The following KCNMA1 variants were observed in gnomAD, a reference collection of about 807,000 sequenced individuals.
KCNMA1 encodes the protein potassium calcium-activated channel subfamily M alpha 1.
Under a neutral mutation model 140.0 loss-of-function variants are expected in KCNMA1, and 29 were observed. The ratio of observed to expected loss-of-function variants is 0.21; its 90% CI spans 0.15 to 0.28. The LOEUF (loss-of-function observed/expected upper bound fraction) is 0.28. Ranked by LOEUF, KCNMA1 falls within the 10% of genes least tolerant of loss-of-function variation. The pLI is 1.00. For missense variants in KCNMA1, 880 were observed against 1,602.2 expected, an observed-to-expected ratio of 0.55 and a Z score of 7.70; for synonymous variants, 612 against 611.9, an observed-to-expected ratio of 1.00 and a Z score of 0.00.
intron 23 of KCNMA1, among the ~76,000 whole-genome samples, chr10:76,938,770 G>T (rs1433249714): frequency 6.6e-6 from 1 of 152,184 alleles, no homozygotes; most frequent in African/African-American, 2.4e-5. Context: ...GGGCCAAATT[G>T]TACTTGTCCC....
chr10:77,492,830 G>T (rs1384427360), intron 1 of KCNMA1, among the ~76,000 whole-genome samples: 3 of 152,224 alleles, frequency 2.0e-5, no homozygotes, highest in Admixed American at 6.5e-5. Flanking sequence ...GGAGAGGCCA[G>T]AGTATTGTAA....
chr10:77,631,344 TGCACAGAAAGGC>T (rs1465622530), intron 1 of KCNMA1, among the ~76,000 whole-genome samples: 1 of 152,134 alleles, frequency 6.6e-6, no homozygotes, highest in Non-Finnish European at 1.5e-5. Flanking sequence ...TCCCTGACTG[TGCACAGAAAGGC>T]ATGGCCCTGT....
At chr10:77,010,368 T>C (rs2090406601) in intron 18 of KCNMA1, among the ~76,000 whole-genome samples, 1 of 152,024 alleles carries the variant, frequency 6.6e-6, no homozygotes, top group Admixed American at 6.5e-5. Context: ...TTTGGATTCA[T>C]GGGGTCTGTG....
chr10:77,438,677 A>G (rs530167019), intron 1 of KCNMA1, among the ~76,000 whole-genome samples: 80 of 152,342 alleles, frequency 5.3e-4, no homozygotes, highest in South Asian at 2.5e-3. Context: ...AGAGACATTA[A>G]GTAATTTGCC....
chr10:77,198,848 G>C lies in KCNMA1; in HGVS notation c.603-13932C>G, dbSNP rs115274302. 1.9e-3 allele frequency among the ~76,000 whole-genome samples: 283 copies of C among 152,108 alleles called. 1 individual carries two copies. Among genetic ancestry groups the C allele is most frequent in the African/African-American group, 6.2e-3 (258 of 41,502 alleles). On this transcript the variant is annotated intron_variant, in intron 3 of 27. Transcript: ENST00000286628. ...ATTCCTGCCTCCTAGTTCTGACAGG[G>C]GAAGAGCAAGCCCCGTGCTTATAAA...
intron 4 of KCNMA1, 69 bp downstream of exon 4, chr10:77,184,754 G>C (rs1565068283): frequency 1.0e-6 from 1 of 961,514 alleles, no homozygotes; most frequent in South Asian, 1.3e-5. Context: ...CAGAGGCTGA[G>C]GGGGATGATC....
At position 77,470,063 on chromosome 10, in the gene KCNMA1, G is replaced by A. The variant is rs111804662; in HGVS notation, c.379-66040C>T. ...CAGTGGTGAGAAGGAGGCCAGGGTC[G>A]GATGCGTCCGGCTGCCTTTGCTCTC... On this transcript the variant is annotated intron_variant, in intron 1 of 27. Transcript: ENST00000286628. Among the ~76,000 whole-genome samples the A allele has an allele frequency of 4.6e-3, 699 of 152,176 alleles. 2 individuals are homozygous for A. Among genetic ancestry groups the A allele is most frequent in the Non-Finnish European group, 7.5e-3 (510 of 68,006 alleles).
At chr10:77,152,523 C>A (rs2098434960) in intron 5 of KCNMA1, among the ~76,000 whole-genome samples, 1 of 117,542 alleles carries the variant, frequency 8.5e-6, no homozygotes, top group African/African-American at 3.2e-5. Context: ...AAAGGAAAAT[C>A]CCACTGGGGT....
intron 2 of KCNMA1, among the ~76,000 whole-genome samples, chr10:77,299,373 T>C (rs1168591643): frequency 6.6e-6 from 1 of 152,190 alleles, no homozygotes; most frequent in East Asian, 1.9e-4. Flanking sequence ...GGCTGCTGCT[T>C]TGACAGCCTG....
intron 2 of KCNMA1, among the ~76,000 whole-genome samples, chr10:77,322,954 A>G (rs1242014131): frequency 6.6e-6 from 1 of 152,158 alleles, no homozygotes; most frequent in African/African-American, 2.4e-5. Context: ...TTTTGAAAGA[A>G]TTTACCCCTG....
At chr10:76,983,484 G>A (rs2080201215) in intron 19 of KCNMA1, among the ~76,000 whole-genome samples, 1 of 152,136 alleles carries the variant, frequency 6.6e-6, no homozygotes, top group African/African-American at 2.4e-5. Flanking sequence ...TGTAATCCCA[G>A]CACTTTGGGA....
intron 13 of KCNMA1, among the ~76,000 whole-genome samples, chr10:77,078,772 C>T (rs1471938100): frequency 6.6e-6 from 1 of 152,206 alleles, no homozygotes; most frequent in African/African-American, 2.4e-5. Context: ...GCTAATCACA[C>T]AGTATGTATT....
At chr10:76,883,289 G>C (rs991671433), downstream of KCNMA1, among the ~76,000 whole-genome samples, 6 of 152,138 alleles carry the variant, frequency 3.9e-5, 1 homozygote. Flanking sequence ...AATGGTTAAA[G>C]GTATAAAAAT....
chr10:77,625,452 T>G (rs1256747564), intron 1 of KCNMA1, among the ~76,000 whole-genome samples: 2 of 152,178 alleles, frequency 1.3e-5, no homozygotes, highest in African/African-American at 4.8e-5. Context: ...TGTTTCACAT[T>G]GTTGTGCATC....
intron 1 of KCNMA1, among the ~76,000 whole-genome samples, chr10:77,500,007 A>C (rs567989159): frequency 6.6e-6 from 1 of 152,172 alleles, no homozygotes; most frequent in South Asian, 2.1e-4. Flanking sequence ...GTAAGAGGCT[A>C]TTTCACTCTA....
intron 1 of KCNMA1, among the ~76,000 whole-genome samples, chr10:77,432,791 A>G (rs2097180038): frequency 1.3e-5 from 2 of 152,216 alleles, no homozygotes; most frequent in South Asian, 4.1e-4. Context: ...CTTTTAAAAA[A>G]CTACCAAACA....
chr10:77,344,454 C>G (rs182086193), intron 2 of KCNMA1, among the ~76,000 whole-genome samples: 79 of 152,342 alleles, frequency 5.2e-4, no homozygotes, highest in African/African-American at 1.9e-3. Context: ...GTGAGACATA[C>G]TGATTCACTA....
At chr10:77,155,164 A>AG (rs2098468787) in intron 5 of KCNMA1, among the ~76,000 whole-genome samples, 1 of 152,134 alleles carries the variant, frequency 6.6e-6, no homozygotes, top group African/African-American at 2.4e-5. Context: ...AAGTTTAAAG[A>AG]GGTGGGCCAC....
At chr10:77,041,787 C>T (rs1301196732) in intron 14 of KCNMA1, among the ~76,000 whole-genome samples, 6 of 152,124 alleles carry the variant, frequency 3.9e-5, no homozygotes, top group African/African-American at 7.2e-5. Context: ...GAAGCCACCC[C>T]GCCAACAGGA....
Sources: allele counts gnomAD v4.1 joint callset (sites outside exome capture counted in the v4.1 genomes callset), GRCh38; gene constraint gnomAD v4.1.1; transcripts MANE v1.5; gene names NCBI Gene and HGNC (gene_info 2026-07-23, HGNC 2026-07-21).